MEGF9: variants seen among roughly 807,000 people sequenced by gnomAD.
MEGF9 encodes multiple EGF like domains 9, also known as multiple epidermal growth factor-like domains protein 9.
A neutral mutation model predicts 46.8 loss-of-function variants in MEGF9; 6 were observed. That is an observed-to-expected ratio of 0.13 (90% CI 0.07 to 0.25). The LOEUF (loss-of-function observed/expected upper bound fraction) is 0.25. MEGF9 is among the 10% of genes least tolerant of loss of function. MEGF9 has a pLI of 1.00. For missense variants in MEGF9, 683 were observed against 792.4 expected, an observed-to-expected ratio of 0.86 and a Z score of 1.66; for synonymous variants, 302 against 330.7, an observed-to-expected ratio of 0.91 and a Z score of 0.94.
chr9:120,711,873 C>CACACA lies in MEGF9; in HGVS notation c.601+1884_601+1885insTGTGT, dbSNP rs2043955555. 3.2e-3 allele frequency among the ~76,000 whole-genome samples: 247 copies of CACACA among 78,410 alleles called. 1 individual carries two copies. The highest frequency in any genetic ancestry group is 0.011 in the African/African-American group (229 of 20,672). 51.4% of individuals were successfully genotyped at this position (78,410 alleles called of 152,430 possible). On this transcript the variant is annotated intron_variant, in intron 1 of 5. Transcript: ENST00000373930. Reference sequence around the variant, plus strand: ...CACACACACACACACACACACACACCCACAGGCCTGGTCATAAGCATAGCT... The same window carrying CACACA: ...CACACACACACACACACACACACACCACACACACAGGCCTGGTCATAAGCATAGCT...
chr9:120,628,775 T>C (rs552540739), intron 2 of MEGF9, among the ~76,000 whole-genome samples: 2 of 152,306 alleles, frequency 1.3e-5, no homozygotes, highest in African/African-American at 2.4e-5. Context: ...CAGAGGAAGA[T>C]ATTAGCTCTA....
intron 2 of MEGF9, among the ~76,000 whole-genome samples, chr9:120,644,935 A>G (rs1168330756): frequency 6.6e-6 from 1 of 152,236 alleles, no homozygotes; most frequent in Non-Finnish European, 1.5e-5. Flanking sequence ...GTTTATAAAG[A>G]TTAAATTTGT....
chr9:120,608,897 G>A (rs968890384), intron 4 of MEGF9, among the ~76,000 whole-genome samples: 1 of 152,160 alleles, frequency 6.6e-6, no homozygotes, highest in Non-Finnish European at 1.5e-5. Context: ...ATCCACGGAT[G>A]TCTCTTTCCA....
chr9:120,639,790 A>G (rs1447938070), intron 2 of MEGF9, among the ~76,000 whole-genome samples: 5 of 84,576 alleles, frequency 5.9e-5, no homozygotes, highest in Admixed American at 2.9e-4. Flanking sequence ...CTCTACCCCA[A>G]TATCATTTTA....
intron 1 of MEGF9, among the ~76,000 whole-genome samples, chr9:120,686,087 ATTT>A (rs939309954): frequency 7.3e-5 from 10 of 136,984 alleles, no homozygotes; most frequent in South Asian, 4.6e-4. Context: ...AGTTGAGGGA[ATTT>A]TTTTTTTTTT....
chr9:120,686,087 ATT>A (rs939309954), intron 1 of MEGF9, among the ~76,000 whole-genome samples: 37 of 136,932 alleles, frequency 2.7e-4, no homozygotes, highest in African/African-American at 2.8e-4. Flanking sequence ...AGTTGAGGGA[ATT>A]TTTTTTTTTT....
chr9:120,624,811 T>G (rs1020499196), intron 2 of MEGF9, among the ~76,000 whole-genome samples: 4 of 144,300 alleles, frequency 2.8e-5, no homozygotes, highest in African/African-American at 5.2e-5. Flanking sequence ...AGACGGAGGG[T>G]GCAGTGAGCC....
In MEGF9 at chr9:120,601,988, A is replaced by T. The variant is rs1255232633; in HGVS notation, c.*3202T>A. 6.6e-6 allele frequency: 1 copy of T among 152,098 alleles called. No individual in the cohort carries two copies. Among genetic ancestry groups the T allele is most frequent in the Non-Finnish European group, 1.5e-5 (1 of 68,026 alleles). The allele number at this position is 152,098 out of a possible 1,614,324, so 9.4% of individuals were successfully genotyped here. ...ACAGATTTCCAATCCTTACACAAAC[A>T]TTCTCCCAATATTAGGCTTTCTTTT... On this transcript the variant is annotated 3_prime_UTR_variant, in exon 6 of 6. Transcript: ENST00000373930.
At chr9:120,634,479 C>T (rs1462545847) in intron 2 of MEGF9, among the ~76,000 whole-genome samples, 20 of 14,352 alleles carry the variant, frequency 1.4e-3, no homozygotes, top group Non-Finnish European at 2.7e-3. Flanking sequence ...TTTTTTGAGA[C>T]GGAGTCTCGC....
chr9:120,702,501 C>T (rs147318565), intron 1 of MEGF9, among the ~76,000 whole-genome samples: 1,626 of 152,248 alleles, frequency 0.011, 31 homozygotes, highest in African/African-American at 0.034. Context: ...ATTAAAATTA[C>T]CCATAATCCC....
At chr9:120,667,952 G>GA (rs1222608834) in intron 1 of MEGF9, among the ~76,000 whole-genome samples, 1 of 152,234 alleles carries the variant, frequency 6.6e-6, no homozygotes, top group Non-Finnish European at 1.5e-5. Flanking sequence ...TTAAACCTGG[G>GA]AGGCAGAGGT....
chr9:120,666,210 T>C (rs548639000), intron 1 of MEGF9, among the ~76,000 whole-genome samples: 21 of 152,350 alleles, frequency 1.4e-4, no homozygotes, highest in Admixed American at 5.2e-4. Flanking sequence ...CAAATACTGT[T>C]ATCTATTAAG....
At chr9:120,698,581 T>C (rs1444025597) in intron 1 of MEGF9, among the ~76,000 whole-genome samples, 1 of 152,240 alleles carries the variant, frequency 6.6e-6, no homozygotes, top group East Asian at 1.9e-4. Flanking sequence ...CTACAGATTA[T>C]ATGACGGAAG....
intron 2 of MEGF9, among the ~76,000 whole-genome samples, chr9:120,628,475 T>TTTG (rs1188634990): frequency 3.6e-5 from 5 of 139,496 alleles, no homozygotes; most frequent in South Asian, 4.8e-4. Flanking sequence ...GTTGTTTTTT[T>TTTG]TTTTTTTTTT....
intron 2 of MEGF9, among the ~76,000 whole-genome samples, chr9:120,636,228 G>A (rs115579076): frequency 0.02 from 2,994 of 152,170 alleles, 111 homozygotes; most frequent in African/African-American, 0.069. Context: ...TTGAGCCACC[G>A]CGTCCAGCCT....
intron 2 of MEGF9, among the ~76,000 whole-genome samples, chr9:120,634,910 A>C (rs1382352977): frequency 6.6e-6 from 1 of 152,044 alleles, no homozygotes; most frequent in South Asian, 2.1e-4. Flanking sequence ...CTAACAGTGA[A>C]TGTTACACTT....
At chr9:120,664,351 C>A (rs1019714017) in intron 1 of MEGF9, among the ~76,000 whole-genome samples, 2 of 152,146 alleles carry the variant, frequency 1.3e-5, no homozygotes, top group Non-Finnish European at 2.9e-5. Context: ...AATGTGTCCT[C>A]TCTGTGTCTC....
intron 1 of MEGF9, among the ~76,000 whole-genome samples, chr9:120,686,400 T>C (rs1426005011): frequency 4.6e-5 from 7 of 152,216 alleles, no homozygotes; most frequent in Admixed American, 2.0e-4. Context: ...ATTTAATGGA[T>C]ACAGAGTTTC....
At chr9:120,705,193 G>C (rs960257050) in intron 1 of MEGF9, among the ~76,000 whole-genome samples, 2 of 151,980 alleles carry the variant, frequency 1.3e-5, no homozygotes, top group African/African-American at 4.8e-5. Context: ...TATTAAGAAG[G>C]CTTCATAATC....
Sources: allele counts gnomAD v4.1 joint callset (sites outside exome capture counted in the v4.1 genomes callset), GRCh38; gene constraint gnomAD v4.1.1; transcripts MANE v1.5; gene names NCBI Gene and HGNC (gene_info 2026-07-23, HGNC 2026-07-21).